SEM1: variants seen among roughly 807,000 people sequenced by gnomAD.
SEM1 encodes the protein 26S proteasome complex subunit SEM1.
SEM1 carries 3 observed loss-of-function variants against 12.7 expected under a neutral mutation model. The observed-to-expected ratio is 0.24, with a 90% CI of 0.11 to 0.61. The LOEUF (loss-of-function observed/expected upper bound fraction) is 0.61. Ranked by LOEUF, SEM1 falls within the 20% of genes least tolerant of loss-of-function variation. SEM1 has a pLI of 0.88. For missense variants in SEM1, 59 were observed against 81.3 expected (o/e 0.73, Z 1.06); for synonymous variants, 30 against 27.8 (o/e 1.08, Z -0.25).
At chr7:96,600,106 T>C (rs985082155) in intron 2 of SEM1, among the ~76,000 whole-genome samples, 4 of 152,194 alleles carry the variant, frequency 2.6e-5, no homozygotes, top group African/African-American at 7.2e-5. Context: ...TTTACATACT[T>C]TTAAATGCCA....
At chr7:96,498,389 GCA>G (rs1235491073), upstream of SEM1, among the ~76,000 whole-genome samples, 1 of 152,170 alleles carries the variant, frequency 6.6e-6, no homozygotes, top group Non-Finnish European at 1.5e-5. Flanking sequence ...GTGTAAGTGT[GCA>G]CACACACGCA....
chr7:96,620,275 C>A (rs967520664), downstream of SEM1, among the ~76,000 whole-genome samples: 1 of 152,126 alleles, frequency 6.6e-6, no homozygotes, highest in African/African-American at 2.4e-5. Context: ...ATCTCAGTCT[C>A]AACAGCAGCC....
At chr7:96,647,924 A>C (rs17495811) in intron 2 of SEM1, among the ~76,000 whole-genome samples, 4,144 of 152,312 alleles carry the variant, frequency 0.027, 70 homozygotes, top group Middle Eastern at 0.051. Flanking sequence ...ATTTTACTTC[A>C]TTTTGTGCCA....
downstream of SEM1, among the ~76,000 whole-genome samples, chr7:96,669,224 C>T (rs1195980871): frequency 6.6e-6 from 1 of 152,114 alleles, no homozygotes; most frequent in Non-Finnish European, 1.5e-5. Flanking sequence ...AAAGCCTCAT[C>T]CAGAAATATA....
chr7:96,521,219 C>T (rs1804258300), intron 2 of SEM1, among the ~76,000 whole-genome samples: 1 of 152,128 alleles, frequency 6.6e-6, no homozygotes, highest in East Asian at 1.9e-4. Flanking sequence ...AACACACTCT[C>T]TCCAGCTTTT....
intron 1 of SEM1, among the ~76,000 whole-genome samples, chr7:96,704,072 C>G (rs958754350): frequency 6.6e-6 from 1 of 151,386 alleles, no homozygotes; most frequent in Non-Finnish European, 1.5e-5. Context: ...GTTAAATAGA[C>G]TATTTAAGAT....
intron 2 of SEM1, among the ~76,000 whole-genome samples, chr7:96,659,913 C>CAAAAAAAAAAAA (rs71529826): frequency 1.3e-4 from 9 of 66,698 alleles, no homozygotes; most frequent in African/African-American, 1.8e-4. Context: ...AGTAAGATGG[C>CAAAAAAAAAAAA]AAAAAAAAAA....
chr7:96,677,426 G>C (rs967086770), intron 2 of SEM1, among the ~76,000 whole-genome samples: 6 of 152,190 alleles, frequency 3.9e-5, no homozygotes, highest in African/African-American at 1.4e-4. Flanking sequence ...CTAGCAGTTT[G>C]TGTTGTCACA....
chr7:96,563,237 G>C (rs1805743429), intron 2 of SEM1, among the ~76,000 whole-genome samples: 1 of 152,112 alleles, frequency 6.6e-6, no homozygotes, highest in Non-Finnish European at 1.5e-5. Flanking sequence ...GAGGTGGGTA[G>C]AGTGGCATTA....
intron 2 of SEM1, among the ~76,000 whole-genome samples, chr7:96,610,427 T>C (rs1807505782): frequency 6.6e-6 from 1 of 152,118 alleles, no homozygotes; most frequent in Admixed American, 6.5e-5. Flanking sequence ...TCAATTTTCC[T>C]ATCCTGAGGG....
chr7:96,495,211 T>C (rs906281595), intron 1 of SEM1, among the ~76,000 whole-genome samples: 2 of 152,212 alleles, frequency 1.3e-5, no homozygotes, highest in Non-Finnish European at 2.9e-5. Flanking sequence ...AATAAAATCA[T>C]GCAGCCAAAT....
intron 2 of SEM1, among the ~76,000 whole-genome samples, chr7:96,518,037 A>T (rs1804150360): frequency 2.6e-5 from 4 of 152,182 alleles, no homozygotes; most frequent in Admixed American, 2.6e-4. Context: ...ATCATATAGG[A>T]TGGATATAGC....
intron 2 of SEM1, among the ~76,000 whole-genome samples, chr7:96,573,477 C>G (rs1806106338): frequency 6.6e-6 from 1 of 152,204 alleles, no homozygotes; most frequent in Non-Finnish European, 1.5e-5. Context: ...GACAAAATCT[C>G]TCAGCATTTG....
intron 2 of SEM1, among the ~76,000 whole-genome samples, chr7:96,638,314 G>A (rs1381356781): frequency 1.3e-5 from 2 of 151,722 alleles, no homozygotes; most frequent in African/African-American, 4.8e-5. Flanking sequence ...CACCTTCTAG[G>A]GCACAAAATA....
chr7:96,543,397 C>T (rs1419261196), intron 2 of SEM1, among the ~76,000 whole-genome samples: 1 of 151,746 alleles, frequency 6.6e-6, no homozygotes, highest in Non-Finnish European at 1.5e-5. Flanking sequence ...AACCAATCCC[C>T]CATGTATACT....
chr7:96,656,097 C>G (rs946470741), intron 2 of SEM1, among the ~76,000 whole-genome samples: 1 of 152,192 alleles, frequency 6.6e-6, no homozygotes, highest in Non-Finnish European at 1.5e-5. Flanking sequence ...GAAACAGGCT[C>G]TTGCCCTGGG....
chr7:96,547,334 T>C (rs1300938286), intron 2 of SEM1, among the ~76,000 whole-genome samples: 1 of 152,174 alleles, frequency 6.6e-6, no homozygotes, highest in Non-Finnish European at 1.5e-5. Flanking sequence ...TAGGGGGTTG[T>C]AAGCTTTGAT....
At chr7:96,512,570 A>G (rs1180655435) in intron 2 of SEM1, among the ~76,000 whole-genome samples, 1 of 152,190 alleles carries the variant, frequency 6.6e-6, no homozygotes, top group Non-Finnish European at 1.5e-5. Context: ...CTAGGGCATT[A>G]TGAAGGATTA....
At chr7:96,551,252 C>T (rs993367184) in intron 2 of SEM1, among the ~76,000 whole-genome samples, 1 of 152,134 alleles carries the variant, frequency 6.6e-6, no homozygotes, top group Non-Finnish European at 1.5e-5. Context: ...GAATGGTGCA[C>T]CCTTCCACCC....
Sources: gnomAD v4.1 joint callset for allele counts (sites outside exome capture counted in the v4.1 genomes callset) on GRCh38, gnomAD v4.1.1 for gene constraint, MANE v1.5 for transcripts, NCBI Gene and HGNC (gene_info 2026-07-23, HGNC 2026-07-21) for gene names.